Variants in FAM53B observed in about 807,000 individuals in gnomAD.
FAM53B encodes the protein protein FAM53B.
Under a neutral mutation model 32.7 loss-of-function variants are expected in FAM53B, and 12 were observed. That is an observed-to-expected ratio of 0.37 (90% CI 0.24 to 0.59). The LOEUF (loss-of-function observed/expected upper bound fraction) is 0.59, where lower values mean the gene tolerates loss of function less well. FAM53B is among the 20% of genes least tolerant of loss of function. The pLI is 0.72. For missense variants in FAM53B, 477 were observed against 577.7 expected (o/e 0.83, Z 1.79); for synonymous variants, 234 against 228.7 (o/e 1.02, Z -0.21).
At chr10:124,631,116 C>T (rs1283433862) in intron 4 of FAM53B, among the ~76,000 whole-genome samples, 1 of 152,246 alleles carries the variant, frequency 6.6e-6, no homozygotes, top group Non-Finnish European at 1.5e-5. Context: ...ATGGTCTCCA[C>T]ACCCCCAGCC....
Position 124,623,733 on chromosome 10 carries a change from C to T in FAM53B, c.907-129G>A, listed in dbSNP as rs1004258724. ...CAATCAAGTCCCGGGTTCCTCCTAT[C>T]CAGGCAAGGACGGGCCCATGAGCAA... On this transcript the variant is annotated intron_variant, in intron 4 of 4. Coordinates refer to ENST00000337318, the MANE Select transcript of FAM53B (RefSeq NM_014661.4). The T allele has an allele frequency of 1.1e-5, 12 of 1,104,964 alleles. No homozygotes were observed. In the African/African-American group the frequency reaches 1.9e-4, roughly 17 times the overall value. The allele number at this position is 1,104,964 out of a possible 1,614,324, so 68.4% of individuals were successfully genotyped here.
At chr10:124,635,656 C>T (rs1348960242) in intron 4 of FAM53B, among the ~76,000 whole-genome samples, 1 of 152,110 alleles carries the variant, frequency 6.6e-6, no homozygotes, top group Non-Finnish European at 1.5e-5. Flanking sequence ...CTCCAAGAGG[C>T]CAAAGGCACA....
At chr10:124,719,284 C>A (rs912400613) in intron 1 of FAM53B, among the ~76,000 whole-genome samples, 1 of 152,100 alleles carries the variant, frequency 6.6e-6, no homozygotes, top group Non-Finnish European at 1.5e-5. Context: ...CAAACACTTG[C>A]CCCACTTCCT....
intron 4 of FAM53B, among the ~76,000 whole-genome samples, chr10:124,657,625 A>G (rs1176970634): frequency 4.6e-5 from 7 of 152,212 alleles, no homozygotes; most frequent in Non-Finnish European, 1.0e-4. Context: ...TTTTTTAACC[A>G]GTAGAAACAG....
At position 124,651,383 on chromosome 10, in the gene FAM53B, A is replaced by G. The variant is rs1054020805; in HGVS notation, c.907-27779T>C. On this transcript the variant is annotated intron_variant, in intron 4 of 4. Transcript: ENST00000337318. This position sits in a 1 kb window ranked among gnomAD's most constrained non-coding sequence, Gnocchi z 5.2. Reference sequence around the variant, plus strand: ...GAGGGTGCTGCCTGGCATCCTCCTGAGCCTGCTCTGCTCTGTCCTCCCAGC... The same window carrying G: ...GAGGGTGCTGCCTGGCATCCTCCTGGGCCTGCTCTGCTCTGTCCTCCCAGC... Among the ~76,000 whole-genome samples, 1 of 152,180 alleles carries G rather than the reference A, an allele frequency of 6.6e-6. No individual in the cohort carries two copies. The highest frequency in any genetic ancestry group is 1.5e-5 in the Non-Finnish European group (1 of 68,046).
intron 4 of FAM53B, among the ~76,000 whole-genome samples, chr10:124,642,692 T>C (rs577394774): frequency 6.6e-6 from 1 of 152,214 alleles, no homozygotes; most frequent in South Asian, 2.1e-4. Context: ...TTTCAGACAG[T>C]GACTCCAGGC....
At chr10:124,707,056 C>T (rs1488754357) in intron 1 of FAM53B, among the ~76,000 whole-genome samples, 169 bp from the exon 2 acceptor site, 1 of 152,068 alleles carries the variant, frequency 6.6e-6, no homozygotes, top group African/African-American at 2.4e-5. Context: ...TCTCAGAGTC[C>T]CCCCGCCCAC....
chr10:124,667,975 G>A (rs112635643), intron 4 of FAM53B, among the ~76,000 whole-genome samples: 1 of 152,144 alleles, frequency 6.6e-6, no homozygotes, highest in Non-Finnish European at 1.5e-5. Flanking sequence ...CGGCTGGTGA[G>A]GGGCACACCA....
chr10:124,706,149 A>T (rs1355678142), intron 2 of FAM53B, among the ~76,000 whole-genome samples: 2 of 152,208 alleles, frequency 1.3e-5, no homozygotes, highest in African/African-American at 4.8e-5. Context: ...AGGGTGGTCC[A>T]GGGTGAACCA....
At chr10:124,654,262 G>GA (rs1949572752) in intron 4 of FAM53B, among the ~76,000 whole-genome samples, 1 of 152,234 alleles carries the variant, frequency 6.6e-6, no homozygotes, top group Non-Finnish European at 1.5e-5. Flanking sequence ...ATGGTGCTCA[G>GA]AAAAAAATCT....
At chr10:124,716,666 C>T (rs561002114) in intron 1 of FAM53B, among the ~76,000 whole-genome samples, 3 of 152,260 alleles carry the variant, frequency 2.0e-5, no homozygotes, top group Non-Finnish European at 2.9e-5. Flanking sequence ...TAGGCACTCC[C>T]ATAATTCTCA....
At chr10:124,673,219 C>A (rs1362070380) in intron 4 of FAM53B, among the ~76,000 whole-genome samples, 6 of 152,156 alleles carry the variant, frequency 3.9e-5, no homozygotes. Flanking sequence ...CCAGAACCTA[C>A]AGTCCATGCT....
At chr10:124,638,374 A>AAAACC (rs1554903025) in intron 4 of FAM53B, among the ~76,000 whole-genome samples, 4 of 151,406 alleles carry the variant, frequency 2.6e-5, no homozygotes, top group Admixed American at 6.6e-5. Flanking sequence ...ACTCCACCTC[A>AAAACC]AAAACAAAAC....
rs575994397 is a variant in FAM53B, at chr10:124,733,933, A to G, written c.-175+10080T>C. On this transcript the variant is annotated intron_variant, in intron 1 of 4. Transcript: ENST00000337318. The surrounding 1 kb of genome is among the most constrained non-coding windows in gnomAD (Gnocchi z 4.3). The stretch of plus-strand genomic sequence containing the variant: ...CTCCAGGTCTCCCAGATTCCCTGAC[A>G]CAGTCCCATGGTGCTGTGACTGGGG... 2.5e-4 allele frequency among the ~76,000 whole-genome samples: 38 copies of G among 152,270 alleles called. No individual in the cohort carries two copies. The highest frequency in any genetic ancestry group is 8.7e-4 in the African/African-American group (36 of 41,558).
rs1273345305 is a variant in FAM53B at position 124,623,356 on chromosome 10, C to T, written c.1155G>A (p.Glu385=). ...CCGGCTCCGCTCTCCTGCCACAATC[C>T]TCGTCCAGGGCGCAGCTGTCTGACT... ...CEESDSCALD[E]DCGRRAEPAA... is the part of the protein sequence containing the mutation. Residue 385 remains glutamate, a synonymous_variant, in exon 5 of 5, where the codon GAG becomes GAA. Coordinates refer to ENST00000337318, the MANE Select transcript of FAM53B (RefSeq NM_014661.4). The T allele has an allele frequency of 6.2e-7, 1 of 1,612,584 alleles. No individual in the cohort carries two copies. The highest frequency in any genetic ancestry group is 8.5e-7 in the Non-Finnish European group (1 of 1,179,828).
chr10:124,642,001 G>C lies in FAM53B; in HGVS notation c.907-18397C>G, dbSNP rs186323484. On this transcript the variant is annotated intron_variant, in intron 4 of 4. Transcript: ENST00000337318. ...AGGTCACCCAGCTGGAGAGCCGGAA[G>C]CCTAAAGCAGGTACACAACTGAACA... 3.7e-4 allele frequency among the ~76,000 whole-genome samples: 56 copies of C among 152,380 alleles called. No homozygotes were observed. In the East Asian group the frequency reaches 9.3e-3, roughly 25 times the overall value.
intron 1 of FAM53B, among the ~76,000 whole-genome samples, chr10:124,724,491 G>A (rs1206210947): frequency 6.6e-6 from 1 of 152,176 alleles, no homozygotes; most frequent in Admixed American, 6.5e-5. Flanking sequence ...CCACCTCTCA[G>A]AGGTCTGCCC....
rs57830542 is a variant in FAM53B at position 124,661,056 on chromosome 10, T to TAAA, written c.906+20548_906+20550dup. On this transcript the variant is annotated intron_variant, in intron 4 of 4. Transcript: ENST00000337318. ...CCTGTACCCCAAAAGCTACTGAAATTAAAAAAAAAAAAAAAAAAAAACAGG... is the reference window on the plus strand; with the variant it reads ...CCTGTACCCCAAAAGCTACTGAAATTAAAAAAAAAAAAAAAAAAAAAAAACAGG... 8.1e-3 allele frequency among the ~76,000 whole-genome samples: 1,062 copies of TAAA among 130,486 alleles called. 24 individuals are homozygous for TAAA. The highest frequency in any genetic ancestry group is 0.03 in the African/African-American group (998 of 33,132). 85.6% of individuals were successfully genotyped at this position (130,486 alleles called of 152,430 possible). A position where few individuals can be genotyped will look rare whatever the true frequency, so the allele number is the denominator to read the frequency against.
At chr10:124,685,833 C>A (rs1949799229) in intron 3 of FAM53B, among the ~76,000 whole-genome samples, 1 of 152,166 alleles carries the variant, frequency 6.6e-6, no homozygotes, top group African/African-American at 2.4e-5. Context: ...CCCCTCAGGG[C>A]CTCCCTACTC....
Sources: gnomAD v4.1 joint callset for allele counts (sites outside exome capture counted in the v4.1 genomes callset) on GRCh38, gnomAD v4.1.1 for gene constraint, Gnocchi (gnomAD v3.1) non-coding constraint, MANE v1.5 for transcripts, NCBI Gene and HGNC (gene_info 2026-07-23, HGNC 2026-07-21) for gene names.